Variants in RGS22 observed in about 807,000 individuals in gnomAD.
The protein encoded by RGS22 is regulator of G protein signaling 22.
Under a neutral mutation model 172.9 loss-of-function variants are expected in RGS22, and 148 were observed. The observed-to-expected ratio is 0.86, with a 90% CI of 0.75 to 0.98. RGS22 has a LOEUF of 0.98. Among genes scored for constraint, RGS22 ranks in the 50% least tolerant of loss-of-function variants. The pLI is 0.00. For synonymous variants in RGS22, 458 were observed against 480.2 expected (o/e 0.95, Z 0.60); for missense variants, 1,347 against 1,440.8 (o/e 0.93, Z 1.05).
At chr8:100,014,386 ACTT>A (rs1336823252) in intron 14 of RGS22, among the ~76,000 whole-genome samples, 1 of 151,850 alleles carries the variant, frequency 6.6e-6, no homozygotes, top group Non-Finnish European at 1.5e-5. Flanking sequence ...TTCTTACACT[ACTT>A]CTCTCTTCCC....
At chr8:99,998,514 T>G (rs1486673600) in intron 19 of RGS22, among the ~76,000 whole-genome samples, 3 of 152,196 alleles carry the variant, frequency 2.0e-5, no homozygotes, top group Middle Eastern at 3.2e-3. Context: ...AAAGCTGTAG[T>G]GCACTATGAT....
intron 21 of RGS22, among the ~76,000 whole-genome samples, chr8:99,985,812 T>C (rs948051715): frequency 1.3e-5 from 2 of 152,168 alleles, no homozygotes; most frequent in African/African-American, 4.8e-5. Context: ...AGTTGGTTTT[T>C]AAAATACCTA....
chr8:100,053,079 G>T, intron 9 of RGS22, 103 bp from the exon 10 acceptor site: 1 of 1,019,850 alleles, frequency 9.8e-7, no homozygotes, highest in Non-Finnish European at 1.5e-6. Context: ...TAACAGTCTT[G>T]CCATACCTCT....
intron 2 of RGS22, among the ~76,000 whole-genome samples, chr8:100,099,052 A>G (rs1813259311): frequency 6.6e-6 from 1 of 151,888 alleles, no homozygotes; most frequent in African/African-American, 2.4e-5. Flanking sequence ...AGTAGCTGGG[A>G]CTACAGGTGC....
At chr8:99,964,409 C>T (rs1386259232) in intron 24 of RGS22, among the ~76,000 whole-genome samples, 1 of 151,068 alleles carries the variant, frequency 6.6e-6, no homozygotes, top group Non-Finnish European at 1.5e-5. Context: ...AGCCCTTGCA[C>T]CCTTTAACCT....
Position 99,987,630 on chromosome 8 carries a change from C to A in RGS22, c.3019-11G>T. ...CTTACTCTCCACAGGCTGTCCAAAG[C>A]AGAGAATATAGGAAATTAGCTCATT... On this transcript the variant is annotated splice_polypyrimidine_tract_variant and intron_variant, in intron 20 of 27. Transcript: ENST00000360863. 1 of 1,554,754 alleles carries A rather than the reference C, an allele frequency of 6.4e-7. No homozygotes were observed. Among genetic ancestry groups the A allele is most frequent in the Non-Finnish European group, 8.7e-7 (1 of 1,150,044 alleles).
intron 4 of RGS22, among the ~76,000 whole-genome samples, chr8:100,078,853 C>G (rs576606557): frequency 6.6e-6 from 1 of 152,292 alleles, no homozygotes; most frequent in East Asian, 1.9e-4. Flanking sequence ...TCTCTAACTG[C>G]TGAGCTCAGG....
intron 23 of RGS22, among the ~76,000 whole-genome samples, chr8:99,977,424 A>G (rs1812094961): frequency 6.6e-6 from 1 of 151,832 alleles, no homozygotes; most frequent in Non-Finnish European, 1.5e-5. Flanking sequence ...TGTCTGGCCC[A>G]TTCTGTAATT....
At chr8:100,013,816 A>G (rs1191428692) in intron 14 of RGS22, among the ~76,000 whole-genome samples, 4 of 152,082 alleles carry the variant, frequency 2.6e-5, no homozygotes, top group Non-Finnish European at 5.9e-5. Context: ...TTACTTTCTT[A>G]CACAATTGGG....
chr8:99,978,536 A>G (rs1812222059), intron 22 of RGS22, among the ~76,000 whole-genome samples: 1 of 152,178 alleles, frequency 6.6e-6, no homozygotes, highest in South Asian at 2.1e-4. Flanking sequence ...CCTCTGGAAA[A>G]GCTCTTAAAC....
chr8:100,063,584 T>C lies in RGS22; in HGVS notation c.1184A>G (p.Glu395Gly). The C allele has an allele frequency of 6.2e-7, 1 of 1,614,088 alleles. No individual in the cohort carries two copies. Among genetic ancestry groups the C allele is most frequent in the African/African-American group, 1.3e-5 (1 of 75,054 alleles). The part of the protein sequence containing the change: ...LSSKNESAGP[E>G]SRADWCISHR... ...AGAAATACACCAGTCCGCCCTGCTC[T>C]CTGGTCCAGCGCTCTCATTCTTTGA... The change falls in exon 8 of 28, where the codon GAG becomes GGG. Residue 395 changes from glutamate to glycine, a missense_variant. Transcript: ENST00000360863.
At chr8:100,008,862 C>CT (rs1239386146) in intron 14 of RGS22, among the ~76,000 whole-genome samples, 1 of 151,946 alleles carries the variant, frequency 6.6e-6, no homozygotes, top group Non-Finnish European at 1.5e-5. Flanking sequence ...TTATGTGCCT[C>CT]TTTTTTTTCC....
chr8:99,964,824 G>T (rs1256692875), intron 24 of RGS22, among the ~76,000 whole-genome samples: 3 of 152,112 alleles, frequency 2.0e-5, no homozygotes. Context: ...ATCAAAAATA[G>T]ACATAAGTTA....
intron 23 of RGS22, among the ~76,000 whole-genome samples, chr8:99,976,811 G>T (rs1371027854): frequency 3.9e-5 from 6 of 151,982 alleles, no homozygotes; most frequent in Non-Finnish European, 7.4e-5. Flanking sequence ...AGAAAAATAA[G>T]GCAAAATGTT....
chr8:100,033,806 C>T (rs529791046), intron 14 of RGS22, among the ~76,000 whole-genome samples: 85 of 152,228 alleles, frequency 5.6e-4, no homozygotes, highest in African/African-American at 2.0e-3. Context: ...AAGACTGGTT[C>T]AACACACACA....
Position 100,066,264 on chromosome 8 carries a change from T to G in RGS22, c.627A>C (p.Ala209=). The change falls in exon 7 of 28, where the codon GCA becomes GCC. Residue 209 remains alanine, a synonymous_variant. Transcript: ENST00000360863. ...ASYTQTKDWF[A]LAKQSQQTVS... ...CTGTTTGCTGACTTTGTTTTGCTAATGCAAACCAATCTTTTGTTTGAGTAT... is the reference window on the plus strand; with the variant it reads ...CTGTTTGCTGACTTTGTTTTGCTAAGGCAAACCAATCTTTTGTTTGAGTAT... 1 of 1,613,302 alleles carries G rather than the reference T, an allele frequency of 6.2e-7. No individual in the cohort carries two copies. Among genetic ancestry groups the G allele is most frequent in the Non-Finnish European group, 8.5e-7 (1 of 1,179,358 alleles).
At chr8:100,053,001 A>G (rs1821845027) in intron 9 of RGS22, 25 bp from the exon 10 acceptor site, 1 of 1,600,452 alleles carries the variant, frequency 6.2e-7, no homozygotes, top group African/African-American at 1.3e-5. Flanking sequence ...AATAAATGTA[A>G]GATTGAACTA....
chr8:100,039,927 A>G (rs776376568), intron 13 of RGS22, 35 bp downstream of exon 13: 4 of 1,284,632 alleles, frequency 3.1e-6, no homozygotes, highest in South Asian at 3.7e-5. Context: ...ATGAAGTAAA[A>G]TTATAAAATT....
intron 2 of RGS22, among the ~76,000 whole-genome samples, chr8:100,097,366 T>G (rs993119123): frequency 1.3e-5 from 2 of 152,232 alleles, no homozygotes; most frequent in Non-Finnish European, 2.9e-5. Flanking sequence ...TAATAGTTCA[T>G]GATACTTATG....
Sources: gnomAD v4.1 joint callset for allele counts (sites outside exome capture counted in the v4.1 genomes callset) on GRCh38, gnomAD v4.1.1 for gene constraint, MANE v1.5 for transcripts, NCBI Gene and HGNC (gene_info 2026-07-23, HGNC 2026-07-21) for gene names.